The following PAPPA2 variants were observed in gnomAD, a reference collection of about 807,000 sequenced individuals.
PAPPA2 encodes pappalysin-2.
A neutral mutation model predicts 176.4 loss-of-function variants in PAPPA2; 86 were observed. The observed-to-expected ratio is 0.49, with a 90% CI of 0.41 to 0.58. PAPPA2 has a LOEUF of 0.58. Ranked by LOEUF, PAPPA2 falls within the 20% of genes least tolerant of loss-of-function variation. The pLI is 0.00. For synonymous variants in PAPPA2, 809 were observed against 852.2 expected (o/e 0.95, Z 0.88); for missense variants, 2,073 against 2,256.9 (o/e 0.92, Z 1.65).
At chr1:176,571,115 G>A (rs571248366) in intron 2 of PAPPA2, among the ~76,000 whole-genome samples, 1 of 152,252 alleles carries the variant, frequency 6.6e-6, no homozygotes, top group African/African-American at 2.4e-5. Context: ...GACGCATGGA[G>A]GACAATCTGG....
In PAPPA2 at chr1:176,665,939, G is replaced by A. The variant is rs555122638; in HGVS notation, c.1992-5031G>A. ...TAGAAATATTGAATTGCTAGGAAAAGAATAAGAATCTAATCTTAGAGGAGA... is the reference window on the plus strand; with the variant it reads ...TAGAAATATTGAATTGCTAGGAAAAAAATAAGAATCTAATCTTAGAGGAGA... On this transcript the variant is annotated intron_variant, in intron 3 of 22. Coordinates refer to ENST00000367662, the MANE Select transcript of PAPPA2 (RefSeq NM_020318.3). 3.3e-5 allele frequency among the ~76,000 whole-genome samples: 5 copies of A among 152,152 alleles called. 1 individual carries two copies. The South Asian group carries it at 1.0e-3, about 32-fold the overall frequency.
At chr1:176,824,297 C>T (rs551409817) in intron 21 of PAPPA2, among the ~76,000 whole-genome samples, 95 of 152,246 alleles carry the variant, frequency 6.2e-4, no homozygotes, top group African/African-American at 2.2e-3. Context: ...GTCTGGTTAA[C>T]CAGCTTCTAG....
intron 3 of PAPPA2, among the ~76,000 whole-genome samples, chr1:176,638,706 G>A (rs985951318): frequency 6.6e-6 from 1 of 151,832 alleles, no homozygotes; most frequent in African/African-American, 2.4e-5. Context: ...GTGCTATATT[G>A]GCTCTGATCA....
chr1:176,770,926 C>T (rs372988041), intron 16 of PAPPA2, 41 bp from the exon 17 acceptor site: 102 of 1,578,832 alleles, frequency 6.5e-5, no homozygotes, highest in Admixed American at 2.8e-4. Context: ...TTTCTGGGCT[C>T]TCTGTTCTGA....
At chr1:176,645,218 AT>A (rs1657330583) in intron 3 of PAPPA2, among the ~76,000 whole-genome samples, 1 of 151,716 alleles carries the variant, frequency 6.6e-6, no homozygotes, top group Non-Finnish European at 1.5e-5. Context: ...ATTTGTACCC[AT>A]TAATCAACCT....
In PAPPA2 at chr1:176,842,249, A is replaced by G. The variant is rs965042208; in HGVS notation, c.5302-131A>G. 1.3e-5 allele frequency: 10 copies of G among 792,862 alleles called. No individual in the cohort carries two copies. The Admixed American group carries it at 1.9e-4, about 15-fold the overall frequency. The allele number at this position is 792,862 out of a possible 1,614,324, so 49.1% of individuals were successfully genotyped here. A position where few individuals can be genotyped will look rare whatever the true frequency, so the allele number is the denominator to read the frequency against. ...GTGTGAGTGGGAAAACTGCGTGTTA[A>G]TTTCCAGTTTGTGATATTGGCACAT... On this transcript the variant is annotated intron_variant, in intron 22 of 22. Transcript: ENST00000367662.
chr1:176,514,126 T>C (rs1193639217), intron 1 of PAPPA2, among the ~76,000 whole-genome samples: 1 of 152,194 alleles, frequency 6.6e-6, no homozygotes, highest in Non-Finnish European at 1.5e-5. Flanking sequence ...AAATGTTTAA[T>C]TGGCTCACAG....
At chr1:176,518,452 TAAAA>T (rs368157026) in intron 1 of PAPPA2, among the ~76,000 whole-genome samples, 7 of 121,722 alleles carry the variant, frequency 5.8e-5, no homozygotes, top group Non-Finnish European at 1.8e-5. Context: ...GCTTGACAGG[TAAAA>T]AAAAAAAAAA....
At chr1:176,615,607 G>A (rs542898317) in intron 3 of PAPPA2, among the ~76,000 whole-genome samples, 9 of 152,274 alleles carry the variant, frequency 5.9e-5, no homozygotes, top group Non-Finnish European at 7.4e-5. Context: ...GATTACAGGC[G>A]TCAGCCACCA....
intron 2 of PAPPA2, among the ~76,000 whole-genome samples, chr1:176,564,491 A>C (rs1651846484): frequency 1.3e-5 from 2 of 152,216 alleles, no homozygotes; most frequent in South Asian, 4.1e-4. Context: ...GATTTTTCTC[A>C]TGAGCAGTAG....
chr1:176,695,515 T>A (rs971692459), intron 6 of PAPPA2, among the ~76,000 whole-genome samples: 5 of 152,178 alleles, frequency 3.3e-5, no homozygotes, highest in Admixed American at 3.3e-4. Flanking sequence ...CTTAGTTAAT[T>A]TTTTCTGCTT....
intron 12 of PAPPA2, among the ~76,000 whole-genome samples, chr1:176,730,903 A>G (rs1199361470): frequency 6.6e-6 from 1 of 152,050 alleles, no homozygotes; most frequent in African/African-American, 2.4e-5. Flanking sequence ...TTTTCAGGGC[A>G]TAATAACTTT....
At position 176,587,498 on chromosome 1, in the gene PAPPA2, T is replaced by C. The variant is rs368685282; in HGVS notation, c.920-7026T>C. On this transcript the variant is annotated intron_variant, in intron 2 of 22. Coordinates refer to ENST00000367662, the MANE Select transcript of PAPPA2 (RefSeq NM_020318.3). The stretch of plus-strand genomic sequence containing the variant: ...GTAAGGAAGGGGTTCAGTTTCAGTT[T>C]TCTGACTATGGCTTGCCAGTTTTCC... Among the ~76,000 whole-genome samples, 10 of 152,356 alleles carry C rather than the reference T, an allele frequency of 6.6e-5. No homozygotes were observed. The East Asian group carries it at 1.2e-3, about 18-fold the overall frequency.
In PAPPA2 at chr1:176,585,249, C is replaced by T. The variant is rs77072162; in HGVS notation, c.920-9275C>T. 6.9e-3 allele frequency among the ~76,000 whole-genome samples: 1,042 copies of T among 151,816 alleles called. 40 individuals are homozygous for T. The East Asian group carries it at 0.12, about 18-fold the overall frequency. Reference sequence around the variant, plus strand: ...TCCTTCATTTCTAAGAATAGCTTTGCTGGGTATAGTATTCTCGGCTGATGG... The same window carrying T: ...TCCTTCATTTCTAAGAATAGCTTTGTTGGGTATAGTATTCTCGGCTGATGG... On this transcript the variant is annotated intron_variant, in intron 2 of 22. Transcript: ENST00000367662.
intron 15 of PAPPA2, among the ~76,000 whole-genome samples, chr1:176,767,874 G>A (rs1306485300): frequency 6.6e-6 from 1 of 152,162 alleles, no homozygotes; most frequent in African/African-American, 2.4e-5. Context: ...AAGACAGTGG[G>A]GATATTTGCT....
chr1:176,764,248 A>G (rs1034991630), intron 14 of PAPPA2, among the ~76,000 whole-genome samples: 1 of 152,160 alleles, frequency 6.6e-6, no homozygotes, highest in African/African-American at 2.4e-5. Flanking sequence ...GACAAACCAT[A>G]TCCAAACCAT....
intron 14 of PAPPA2, among the ~76,000 whole-genome samples, chr1:176,765,201 G>T (rs1168002223): frequency 6.6e-6 from 1 of 152,176 alleles, no homozygotes; most frequent in Non-Finnish European, 1.5e-5. Flanking sequence ...TTCAGACATG[G>T]CCTTCTGTGT....
At chr1:176,811,847 G>A (rs1251302389) in intron 21 of PAPPA2, among the ~76,000 whole-genome samples, 2 of 152,128 alleles carry the variant, frequency 1.3e-5, no homozygotes, top group Non-Finnish European at 2.9e-5. Flanking sequence ...GATTCCAAAT[G>A]TTAATTAGGA....
intron 3 of PAPPA2, among the ~76,000 whole-genome samples, chr1:176,644,171 A>T (rs1347088768): frequency 6.6e-6 from 1 of 151,844 alleles, no homozygotes; most frequent in Non-Finnish European, 1.5e-5. Context: ...GAATATCTGT[A>T]TGGAGTCTGT....
Sources: gnomAD v4.1 joint callset for allele counts (sites outside exome capture counted in the v4.1 genomes callset) on GRCh38, gnomAD v4.1.1 for gene constraint, MANE v1.5 for transcripts, NCBI Gene and HGNC (gene_info 2026-07-23, HGNC 2026-07-21) for gene names.